Variants in PRKD3 observed in about 807,000 individuals in gnomAD.
PRKD3 encodes the protein protein kinase D3.
Under a neutral mutation model 99.2 loss-of-function variants are expected in PRKD3, and 47 were observed. The ratio of observed to expected loss-of-function variants is 0.47; its 90% CI spans 0.38 to 0.60. The LOEUF (loss-of-function observed/expected upper bound fraction) is 0.60, where lower values mean the gene tolerates loss of function less well. Ranked by LOEUF, PRKD3 falls within the 20% of genes least tolerant of loss-of-function variation. PRKD3 has a pLI of 0.00. For missense variants in PRKD3, 1,019 were observed against 1,088.4 expected (o/e 0.94, Z 0.90); for synonymous variants, 392 against 355.4 (o/e 1.10, Z -1.16).
rs753243267 is a variant in PRKD3 at position 37,267,405 on chromosome 2, C to A, written c.1884+25G>T. On this transcript the variant is annotated intron_variant, in intron 14 of 18. Transcript: ENST00000234179. ...GATTCTTACCAGCCTCTTTAATAAA[C>A]CAGTTTTTTATTTTTTATTTTTACC... The A allele has an allele frequency of 7.7e-6, 11 of 1,437,020 alleles. No homozygotes were observed. In the South Asian group the frequency reaches 1.3e-4, roughly 16 times the overall value. The allele number at this position is 1,437,020 out of a possible 1,614,324, so 89.0% of individuals were successfully genotyped here. A position where few individuals can be genotyped will look rare whatever the true frequency, so the allele number is the denominator to read the frequency against.
chr2:37,307,064 G>C (rs1208302995), intron 2 of PRKD3, among the ~76,000 whole-genome samples: 1 of 152,056 alleles, frequency 6.6e-6, no homozygotes, highest in Non-Finnish European at 1.5e-5. Context: ...TTGTTGTATG[G>C]GGCATCATAG....
rs1426179226 is a variant in PRKD3, at chr2:37,252,113, C to T, written c.*1064G>A. The T allele has an allele frequency of 6.6e-6, 1 of 152,170 alleles. No homozygotes were observed. Among genetic ancestry groups the T allele is most frequent in the Non-Finnish European group, 1.5e-5 (1 of 68,034 alleles). 9.4% of individuals were successfully genotyped at this position (152,170 alleles called of 1,614,324 possible). ...TGTTTCATGCTCCACTCCTACACAT[C>T]CCCTCAAACTGCTTAAAATAATTGA... is the stretch of plus-strand genomic sequence containing the variant. On this transcript the variant is annotated 3_prime_UTR_variant, in exon 19 of 19. Transcript: ENST00000234179.
Position 37,252,585 on chromosome 2 carries a change from TAAAA to T in PRKD3, c.*588_*591del. 1 of 152,144 alleles carries T rather than the reference TAAAA, an allele frequency of 6.6e-6. No homozygotes were observed. Among genetic ancestry groups the T allele is most frequent in the South Asian group, 2.1e-4 (1 of 4,824 alleles). The allele number at this position is 152,144 out of a possible 1,614,324, so 9.4% of individuals were successfully genotyped here. A position where few individuals can be genotyped will look rare whatever the true frequency, so the allele number is the denominator to read the frequency against. On this transcript the variant is annotated 3_prime_UTR_variant, in exon 19 of 19. Coordinates refer to ENST00000234179, the MANE Select transcript of PRKD3 (RefSeq NM_005813.6). ...CACTATTTTGGAGTCTTGATTGACCTAAAAAAGAAAGGTAAAACAGCCCAGTGCG... is the reference window on the plus strand; with the variant it reads ...CACTATTTTGGAGTCTTGATTGACCTAAGAAAGGTAAAACAGCCCAGTGCG...
intron 2 of PRKD3, among the ~76,000 whole-genome samples, chr2:37,308,189 A>G (rs1671247120): frequency 6.6e-6 from 1 of 152,212 alleles, no homozygotes; most frequent in Non-Finnish European, 1.5e-5. Context: ...ATGTAGAAAG[A>G]AGACATTAAC....
At chr2:37,321,374 T>A (rs1307800031) in intron 1 of PRKD3, among the ~76,000 whole-genome samples, 3 of 152,144 alleles carry the variant, frequency 2.0e-5, no homozygotes, top group African/African-American at 7.2e-5. Context: ...GTCTGTCCTA[T>A]TTTACAGACA....
chr2:37,272,354 AC>A, intron 12 of PRKD3, 25 bp downstream of exon 12: 1 of 1,596,234 alleles, frequency 6.3e-7, no homozygotes, highest in South Asian at 1.2e-5. Flanking sequence ...CACCCAGTTT[AC>A]ACATTAGCTA....
At chr2:37,255,742 A>T (rs56267986) in intron 17 of PRKD3, among the ~76,000 whole-genome samples, 7,816 of 152,318 alleles carry the variant, frequency 0.051, 216 homozygotes, top group Non-Finnish European at 0.072. Context: ...GCAGTGGCTC[A>T]TGCCTGTAAT....
chr2:37,322,079 G>C (rs1323122060), intron 1 of PRKD3, among the ~76,000 whole-genome samples: 1 of 152,144 alleles, frequency 6.6e-6, no homozygotes, highest in African/African-American at 2.4e-5. Context: ...TAATGACGTG[G>C]AGGGTTGTGT....
intron 2 of PRKD3, among the ~76,000 whole-genome samples, chr2:37,314,967 A>C (rs1259655034): frequency 6.8e-6 from 1 of 147,626 alleles, no homozygotes; most frequent in Non-Finnish European, 1.5e-5. Flanking sequence ...AAGGCAGCAT[A>C]GGTCATTTTC....
intron 6 of PRKD3, among the ~76,000 whole-genome samples, chr2:37,284,805 A>G (rs1484418065): frequency 6.6e-6 from 1 of 151,924 alleles, no homozygotes; most frequent in Non-Finnish European, 1.5e-5. Flanking sequence ...TTATTTTTTA[A>G]TTACACTTTA....
At chr2:37,282,466 C>A (rs1406507129) in intron 7 of PRKD3, 76 bp downstream of exon 7, 1 of 955,862 alleles carries the variant, frequency 1.0e-6, no homozygotes, top group Non-Finnish European at 1.6e-6. Context: ...GAAAACAGAA[C>A]CTTATCCAAA....
intron 1 of PRKD3, among the ~76,000 whole-genome samples, chr2:37,320,307 T>G (rs1671824970): frequency 6.6e-6 from 1 of 152,088 alleles, no homozygotes; most frequent in Non-Finnish European, 1.5e-5. Context: ...ATGGAACAGG[T>G]TGTCTCACGA....
chr2:37,257,462 G>A (rs961488604), intron 16 of PRKD3, among the ~76,000 whole-genome samples: 1 of 151,994 alleles, frequency 6.6e-6, no homozygotes, highest in Non-Finnish European at 1.5e-5. Flanking sequence ...TCAGGAGATT[G>A]AGACCATCCT....
At chr2:37,254,545 C>G (rs1006021298) in intron 17 of PRKD3, among the ~76,000 whole-genome samples, 1 of 152,168 alleles carries the variant, frequency 6.6e-6, no homozygotes, top group Admixed American at 6.5e-5. Flanking sequence ...ACCTGACTGC[C>G]TGGGCTGAAG....
Position 37,251,278 on chromosome 2 carries a change from T to A in PRKD3, c.*1899A>T, listed in dbSNP as rs1046001678. On this transcript the variant is annotated 3_prime_UTR_variant, in exon 19 of 19. Transcript: ENST00000234179. ...GACAAATTACCAAGAGGGGAATGTT[T>A]CCTGGAGGTATTTATGGGTAGATAG... 6.6e-6 allele frequency: 1 copy of A among 152,626 alleles called. No individual in the cohort carries two copies. Among genetic ancestry groups the A allele is most frequent in the Non-Finnish European group, 1.5e-5 (1 of 68,030 alleles). The allele number at this position is 152,626 out of a possible 1,614,324, so 9.5% of individuals were successfully genotyped here.
At position 37,277,199 on chromosome 2, in the gene PRKD3, A is replaced by T. The variant is rs867617012; in HGVS notation, c.1296+667T>A. On this transcript the variant is annotated intron_variant, in intron 9 of 18. Coordinates refer to ENST00000234179, the MANE Select transcript of PRKD3 (RefSeq NM_005813.6). ...TTTATTGAGTGTTTCTGTATGCCAG[A>T]CACTGTTCCAAGATCTTCTCATATA... 7.2e-5 allele frequency among the ~76,000 whole-genome samples: 11 copies of T among 152,296 alleles called. No homozygotes were observed. In the South Asian group the frequency reaches 1.9e-3, roughly 26 times the overall value.
chr2:37,255,842 C>T (rs1667888316), intron 17 of PRKD3, among the ~76,000 whole-genome samples: 1 of 152,026 alleles, frequency 6.6e-6, no homozygotes, highest in African/African-American at 2.4e-5. Flanking sequence ...CCCATCTCTA[C>T]AAAAAATTTA....
chr2:37,323,555 T>C (rs992835059), intron 1 of PRKD3, among the ~76,000 whole-genome samples: 6 of 152,060 alleles, frequency 3.9e-5, no homozygotes, highest in African/African-American at 7.2e-5. Flanking sequence ...CAAGGGTTCG[T>C]TGACAAGGAA....
At chr2:37,258,664 G>A (rs1035694226) in intron 16 of PRKD3, among the ~76,000 whole-genome samples, 4 of 152,018 alleles carry the variant, frequency 2.6e-5, no homozygotes, top group Non-Finnish European at 5.9e-5. Context: ...CCAACTATCA[G>A]GCAACCCTTT....
Sources: allele counts gnomAD v4.1 joint callset (sites outside exome capture counted in the v4.1 genomes callset), GRCh38; gene constraint gnomAD v4.1.1; transcripts MANE v1.5; gene names NCBI Gene and HGNC (gene_info 2026-07-23, HGNC 2026-07-21).